The following PRKN variants were observed in gnomAD, a reference collection of about 807,000 sequenced individuals.
The protein encoded by PRKN is parkin RBR E3 ubiquitin protein ligase.
A neutral mutation model predicts 59.5 loss-of-function variants in PRKN; 56 were observed. That is an observed-to-expected ratio of 0.94 (90% CI 0.76 to 1.18). The LOEUF (loss-of-function observed/expected upper bound fraction) is 1.18, where lower values mean the gene tolerates loss of function less well. PRKN is among the 50% of genes most tolerant of loss of function. The pLI is 0.00. For synonymous variants in PRKN, 250 were observed against 222.1 expected (o/e 1.13, Z -1.12); for missense variants, 657 against 596.4 (o/e 1.10, Z -1.06).
chr6:162,374,951 T>A (rs1785979254), intron 2 of PRKN, among the ~76,000 whole-genome samples: 1 of 152,168 alleles, frequency 6.6e-6, no homozygotes, highest in Non-Finnish European at 1.5e-5. Flanking sequence ...TGAATCTTTA[T>A]AATTTTTATG....
chr6:162,542,680 C>T (rs1340859477), intron 1 of PRKN, among the ~76,000 whole-genome samples: 1 of 152,112 alleles, frequency 6.6e-6, no homozygotes, highest in Non-Finnish European at 1.5e-5. Context: ...TTATGTCTCT[C>T]AGAAATTTAA....
chr6:161,994,681 T>C (rs767153468), intron 5 of PRKN, among the ~76,000 whole-genome samples: 3 of 150,384 alleles, frequency 2.0e-5, no homozygotes, highest in South Asian at 2.1e-4. Flanking sequence ...ACAAACTAAT[T>C]GAAAAAAAAA....
intron 2 of PRKN, among the ~76,000 whole-genome samples, chr6:162,358,132 T>C (rs1336584531): frequency 6.6e-6 from 1 of 152,206 alleles, no homozygotes; most frequent in African/African-American, 2.4e-5. Context: ...ATGCAAGATG[T>C]GTTAATAACA....
At chr6:162,116,692 C>T (rs747729635) in intron 4 of PRKN, among the ~76,000 whole-genome samples, 1 of 152,158 alleles carries the variant, frequency 6.6e-6, no homozygotes, top group East Asian at 1.9e-4. Flanking sequence ...AAGGTGCTCA[C>T]AGTCTAGACA....
intron 4 of PRKN, among the ~76,000 whole-genome samples, chr6:162,082,494 G>T (rs924751896): frequency 6.6e-6 from 1 of 152,048 alleles, no homozygotes; most frequent in African/African-American, 2.4e-5. Flanking sequence ...CTTCATATCA[G>T]CAATAAAGCT....
intron 6 of PRKN, among the ~76,000 whole-genome samples, chr6:161,885,523 G>T (rs928935659): frequency 6.6e-6 from 1 of 152,062 alleles, no homozygotes; most frequent in Non-Finnish European, 1.5e-5. Flanking sequence ...AAATTAGCCA[G>T]GCGTGGTGGC....
intron 1 of PRKN, among the ~76,000 whole-genome samples, chr6:162,453,083 C>T (rs1790701651): frequency 6.6e-6 from 1 of 152,148 alleles, no homozygotes; most frequent in Non-Finnish European, 1.5e-5. Context: ...CCACTCCTTC[C>T]CTCCTTGAGG....
intron 6 of PRKN, among the ~76,000 whole-genome samples, chr6:161,906,844 C>T (rs984382308): frequency 3.3e-5 from 5 of 151,808 alleles, no homozygotes; most frequent in Non-Finnish European, 5.9e-5. Context: ...GTCTGATGTT[C>T]GATGCCAGAA....
At chr6:162,531,869 G>A (rs1460666297) in intron 1 of PRKN, among the ~76,000 whole-genome samples, 1 of 151,374 alleles carries the variant, frequency 6.6e-6, no homozygotes, top group Non-Finnish European at 1.5e-5. Flanking sequence ...GAACCCAGGA[G>A]GCAGAGGCTG....
intron 5 of PRKN, among the ~76,000 whole-genome samples, chr6:162,012,793 G>A (rs2128271617): frequency 6.6e-6 from 1 of 152,172 alleles, no homozygotes; most frequent in East Asian, 1.9e-4. Context: ...GACATTTTCT[G>A]TTGAGTGTAG....
chr6:162,137,620 T>C (rs1485803632), intron 4 of PRKN, among the ~76,000 whole-genome samples: 10 of 152,196 alleles, frequency 6.6e-5, no homozygotes, highest in Admixed American at 6.5e-4. Flanking sequence ...ATCAAGGTGC[T>C]GGCATCTGGC....
At chr6:162,300,795 C>A (rs1006020660) in intron 2 of PRKN, among the ~76,000 whole-genome samples, 1 of 152,092 alleles carries the variant, frequency 6.6e-6, no homozygotes, top group Non-Finnish European at 1.5e-5. Context: ...TCAGATCCAT[C>A]GTAACCCACT....
At position 161,463,318 on chromosome 6, in the gene PRKN, C is replaced by T. The variant is rs375140381; in HGVS notation, c.1084-76441G>A. 1.6e-4 allele frequency among the ~76,000 whole-genome samples: 24 copies of T among 152,286 alleles called. No homozygotes were observed. Among genetic ancestry groups the T allele is most frequent in the South Asian group, 4.1e-4 (2 of 4,824 alleles). On this transcript the variant is annotated intron_variant, in intron 9 of 11. Coordinates refer to ENST00000366898, the MANE Select transcript of PRKN (RefSeq NM_004562.3). This position sits in a 1 kb window ranked among gnomAD's most constrained non-coding sequence, Gnocchi z 4.8. ...AAAACTTTCCCAGCTTTCAGAATGA[C>T]GACTGTTTGGTTCTACCTGGCTTAT...
At chr6:162,103,453 G>A (rs1241197720) in intron 4 of PRKN, among the ~76,000 whole-genome samples, 1 of 152,076 alleles carries the variant, frequency 6.6e-6, no homozygotes, top group African/African-American at 2.4e-5. Flanking sequence ...TTATAATACG[G>A]ACGCAATGAC....
At chr6:161,773,743 C>T (rs1201724640) in intron 7 of PRKN, among the ~76,000 whole-genome samples, 1 of 152,134 alleles carries the variant, frequency 6.6e-6, no homozygotes, top group Non-Finnish European at 1.5e-5. Flanking sequence ...TATTTTTATT[C>T]TCTCTGCTAT....
At chr6:162,116,984 C>T (rs765411664) in intron 4 of PRKN, among the ~76,000 whole-genome samples, 2 of 152,138 alleles carry the variant, frequency 1.3e-5, no homozygotes, top group Non-Finnish European at 2.9e-5. Flanking sequence ...CTTCATCAGA[C>T]AACAGGATAG....
chr6:161,701,868 A>C (rs986761265), intron 7 of PRKN, among the ~76,000 whole-genome samples: 1 of 152,214 alleles, frequency 6.6e-6, no homozygotes, highest in African/African-American at 2.4e-5. Context: ...ATCCCAAAAA[A>C]ATCTATGGGA....
At position 162,050,133 on chromosome 6, in the gene PRKN, C is replaced by T. The variant is rs560673097; in HGVS notation, c.618+3958G>A. Among the ~76,000 whole-genome samples the T allele has an allele frequency of 5.9e-5, 9 of 152,298 alleles. No individual in the cohort carries two copies. The South Asian group carries it at 1.7e-3, about 28-fold the overall frequency. Reference sequence around the variant, plus strand: ...CTGAACATATTTTTCCTCAAAACCTCGCATGTCTCCTTTTTTAGTAATGTT... The same window carrying T: ...CTGAACATATTTTTCCTCAAAACCTTGCATGTCTCCTTTTTTAGTAATGTT... On this transcript the variant is annotated intron_variant, in intron 5 of 11. Transcript: ENST00000366898.
chr6:161,850,337 T>C (rs1471670927), intron 6 of PRKN, among the ~76,000 whole-genome samples: 1 of 152,094 alleles, frequency 6.6e-6, no homozygotes, highest in Admixed American at 6.5e-5. Context: ...CCCAGCACTT[T>C]GGAAGGCTGA....
Sources: gnomAD v4.1 joint callset for allele counts (sites outside exome capture counted in the v4.1 genomes callset) on GRCh38, gnomAD v4.1.1 for gene constraint, Gnocchi (gnomAD v3.1) non-coding constraint, MANE v1.5 for transcripts, NCBI Gene and HGNC (gene_info 2026-07-23, HGNC 2026-07-21) for gene names.